The following PSD3 variants were observed in gnomAD, a reference collection of about 807,000 sequenced individuals.
The protein encoded by PSD3 is pleckstrin and Sec7 domain containing 3.
A neutral mutation model predicts 105.5 loss-of-function variants in PSD3; 49 were observed. That is an observed-to-expected ratio of 0.46 (90% CI 0.37 to 0.59). The LOEUF is 0.59. PSD3 is among the 20% of genes least tolerant of loss of function. PSD3 has a pLI of 0.00. For synonymous variants in PSD3, 557 were observed against 457.8 expected, an observed-to-expected ratio of 1.22 and a Z score of -2.77; for missense variants, 1,561 against 1,263.8, an observed-to-expected ratio of 1.24 and a Z score of -3.57.
At position 18,623,627 on chromosome 8, in the gene PSD3, G is replaced by T. The variant is rs191853131; in HGVS notation, c.2410+8986C>A. On this transcript the variant is annotated intron_variant, in intron 11 of 15. Transcript: ENST00000327040. ...CCACTGTACTCCAGCCTGGGTTACT[G>T]AGCGAGACTCCATCTCAGAAAAAAA... 7.9e-3 allele frequency among the ~76,000 whole-genome samples: 1,155 copies of T among 146,226 alleles called. 12 individuals are homozygous for T. The highest frequency in any genetic ancestry group is 0.023 in the South Asian group (107 of 4,580).
chr8:18,797,739 G>C (rs912893931), intron 8 of PSD3, among the ~76,000 whole-genome samples: 2 of 152,104 alleles, frequency 1.3e-5, no homozygotes, highest in Admixed American at 6.6e-5. Context: ...AAAGCTCTAA[G>C]AGATCTGCAA....
At chr8:18,988,805 T>A (rs1198019887) in intron 1 of PSD3, among the ~76,000 whole-genome samples, 1 of 152,188 alleles carries the variant, frequency 6.6e-6, no homozygotes, top group Non-Finnish European at 1.5e-5. Context: ...GAAAATAACT[T>A]TGGTTTCTGA....
intron 11 of PSD3, among the ~76,000 whole-genome samples, chr8:18,604,870 G>A (rs1405717667): frequency 6.6e-6 from 1 of 152,232 alleles, no homozygotes; most frequent in Non-Finnish European, 1.5e-5. Flanking sequence ...TGGCTTCCAT[G>A]TGGTTTTAAG....
At chr8:18,756,595 A>T (rs1806060586) in intron 9 of PSD3, among the ~76,000 whole-genome samples, 1 of 152,132 alleles carries the variant, frequency 6.6e-6, no homozygotes, top group Non-Finnish European at 1.5e-5. Flanking sequence ...GATCCTTACA[A>T]GATCACCCTG....
chr8:18,671,022 A>G (rs1438112078), intron 9 of PSD3, among the ~76,000 whole-genome samples: 2 of 152,194 alleles, frequency 1.3e-5, no homozygotes, highest in East Asian at 1.9e-4. Context: ...TTTAGTCTCT[A>G]TAATGCTTCG....
chr8:18,808,931 T>TTA, intron 4 of PSD3: 1 of 1,476,138 alleles, frequency 6.8e-7, no homozygotes, highest in Non-Finnish European at 9.0e-7. Flanking sequence ...TGACCTCACA[T>TTA]TCTCAGCCGA....
At chr8:18,669,324 T>C (rs555310722) in intron 9 of PSD3, among the ~76,000 whole-genome samples, 2 of 152,370 alleles carry the variant, frequency 1.3e-5, no homozygotes, top group East Asian at 1.9e-4. Context: ...CCAAACCCTA[T>C]ATATTGTATG....
intron 9 of PSD3, among the ~76,000 whole-genome samples, chr8:18,660,298 G>A (rs936863840): frequency 6.6e-6 from 1 of 152,134 alleles, no homozygotes; most frequent in Non-Finnish European, 1.5e-5. Context: ...GGTTAGAAGA[G>A]GCGAGGAAGA....
chr8:18,914,458 T>C (rs1820452160), intron 2 of PSD3, among the ~76,000 whole-genome samples: 1 of 152,156 alleles, frequency 6.6e-6, no homozygotes, highest in Non-Finnish European at 1.5e-5. Flanking sequence ...TGATTTTATA[T>C]ACAGAAATCC....
chr8:18,972,187 G>C (rs1301397887), intron 1 of PSD3, among the ~76,000 whole-genome samples: 4 of 152,078 alleles, frequency 2.6e-5, no homozygotes. Flanking sequence ...AAACCAAATA[G>C]AGTGTCCTTC....
intron 2 of PSD3, among the ~76,000 whole-genome samples, chr8:18,899,103 T>A (rs1479520521): frequency 6.6e-6 from 1 of 152,178 alleles, no homozygotes; most frequent in African/African-American, 2.4e-5. Flanking sequence ...GATTATCTCA[T>A]GTCAATTTGT....
intron 14 of PSD3, among the ~76,000 whole-genome samples, chr8:18,568,997 A>C (rs1035941295): frequency 6.3e-5 from 9 of 143,166 alleles, no homozygotes; most frequent in African/African-American, 2.0e-4. Flanking sequence ...GAGAATGATG[A>C]TTTCCAATTT....
intron 1 of PSD3, among the ~76,000 whole-genome samples, chr8:18,978,838 C>T (rs1825094584): frequency 6.6e-6 from 1 of 152,086 alleles, no homozygotes; most frequent in Non-Finnish European, 1.5e-5. Flanking sequence ...TCTCTTTCAA[C>T]CTCTCTCCCT....
chr8:18,622,210 G>T (rs1232240434), intron 11 of PSD3, among the ~76,000 whole-genome samples: 1 of 152,122 alleles, frequency 6.6e-6, no homozygotes, highest in Non-Finnish European at 1.5e-5. Context: ...AATGACTAAA[G>T]AATCTATAAA....
chr8:18,608,596 A>C (rs767306917), intron 11 of PSD3, among the ~76,000 whole-genome samples: 11 of 152,254 alleles, frequency 7.2e-5, no homozygotes, highest in African/African-American at 2.7e-4. Context: ...GGAAATATAA[A>C]GTACAGTGAA....
intron 2 of PSD3, among the ~76,000 whole-genome samples, chr8:18,879,540 C>G (rs527304179): frequency 3.9e-5 from 6 of 152,192 alleles, no homozygotes; most frequent in African/African-American, 1.2e-4. Flanking sequence ...GAGTAAAAGC[C>G]TGGGAGAAAC....
intron 9 of PSD3, among the ~76,000 whole-genome samples, chr8:18,672,350 A>G (rs1799832362): frequency 6.6e-6 from 1 of 152,192 alleles, no homozygotes; most frequent in African/African-American, 2.4e-5. Context: ...GGCCTGTAAA[A>G]AAAACAATCC....
intron 2 of PSD3, among the ~76,000 whole-genome samples, chr8:18,911,350 T>C (rs1183393220): frequency 6.6e-6 from 1 of 152,214 alleles, no homozygotes; most frequent in African/African-American, 2.4e-5. Flanking sequence ...TAGCACACTG[T>C]CACTTGGGAG....
chr8:19,037,213 A>G (rs1031259918), intron 1 of PSD3, among the ~76,000 whole-genome samples: 2 of 152,242 alleles, frequency 1.3e-5, no homozygotes, highest in Non-Finnish European at 2.9e-5. Flanking sequence ...TGTGCTGAAG[A>G]ATCTGACCTG....
Sources: gnomAD v4.1 joint callset for allele counts (sites outside exome capture counted in the v4.1 genomes callset) on GRCh38, gnomAD v4.1.1 for gene constraint, MANE v1.5 for transcripts, NCBI Gene and HGNC (gene_info 2026-07-23, HGNC 2026-07-21) for gene names.